The following ARHGAP31 variants were observed in gnomAD, a reference collection of about 807,000 sequenced individuals.
ARHGAP31 encodes rho GTPase-activating protein 31.
Under a neutral mutation model 113.9 loss-of-function variants are expected in ARHGAP31, and 34 were observed. The ratio of observed to expected loss-of-function variants is 0.30; its 90% CI spans 0.23 to 0.40. The LOEUF is 0.40. ARHGAP31 is among the 10% of genes least tolerant of loss of function. The pLI, the probability that ARHGAP31 is intolerant of heterozygous loss-of-function variation, is 1.00. For synonymous variants in ARHGAP31, 650 were observed against 684.8 expected, an observed-to-expected ratio of 0.95 and a Z score of 0.79; for missense variants, 1,548 against 1,767.1, an observed-to-expected ratio of 0.88 and a Z score of 2.22.
chr3:119,317,217 C>T (rs1355362734), intron 1 of ARHGAP31, among the ~76,000 whole-genome samples: 2 of 150,760 alleles, frequency 1.3e-5, no homozygotes, highest in African/African-American at 2.4e-5. Flanking sequence ...CTCGCTCTGT[C>T]GCCCAGGCTG....
Position 119,414,544 on chromosome 3 carries a change from C to G in ARHGAP31, c.2615C>G (p.Ser872Ter). ...PSPTREVEIVSQEEEDVTHSV... is the reference protein window; with the variant it reads ...PSPTREVEIV ...CCAACCAGGGAGGTTGAGATCGTCT[C>G]ACAAGAAGAGGAGGATGTAACCCAT... Residue 872 changes from serine (S) to a stop codon, truncating the protein, a stop_gained, in exon 12 of 12, where the codon TCA becomes TGA. Coordinates refer to ENST00000264245, the MANE Select transcript of ARHGAP31 (RefSeq NM_020754.4). LOFTEE classifies it high-confidence loss of function. 1 of 1,614,202 alleles carries G rather than the reference C, an allele frequency of 6.2e-7. No homozygotes were observed. The highest frequency in any genetic ancestry group is 8.5e-7 in the Non-Finnish European group (1 of 1,180,034).
chr3:119,354,906 C>G (rs2080142872), intron 1 of ARHGAP31, among the ~76,000 whole-genome samples: 2 of 151,200 alleles, frequency 1.3e-5, no homozygotes, highest in Non-Finnish European at 2.9e-5. Flanking sequence ...TCAAAAGGAA[C>G]TTAAAAATAG....
At chr3:119,372,215 A>C (rs534812963) in intron 3 of ARHGAP31, among the ~76,000 whole-genome samples, 1 of 149,446 alleles carries the variant, frequency 6.7e-6, no homozygotes, top group African/African-American at 2.5e-5. Flanking sequence ...ATTGATTTAC[A>C]CTCCCAACAG....
chr3:119,295,185 G>GC (rs1427487488), intron 1 of ARHGAP31, among the ~76,000 whole-genome samples, 181 bp downstream of exon 1: 1 of 150,904 alleles, frequency 6.6e-6, no homozygotes, highest in African/African-American at 2.4e-5. Context: ...GGTGCACAGC[G>GC]CTGCTGTCCC....
Position 119,414,295 on chromosome 3 carries a change from C to T in ARHGAP31, c.2366C>T (p.Thr789Ile). 1.2e-6 allele frequency: 2 copies of T among 1,614,238 alleles called. No individual in the cohort carries two copies. Among genetic ancestry groups the T allele is most frequent in the Middle Eastern group, 3.3e-4 (2 of 6,062 alleles). Reference protein sequence around the residue: ...PPLPPAPPPPTPLEESTPVLL... With the variant: ...PPLPPAPPPPIPLEESTPVLL... Reference sequence around the variant, plus strand: ...CTCCCACCTGCTCCTCCCCCTCCAACTCCTCTGGAGGAGTCAACTCCAGTC... The same window carrying T: ...CTCCCACCTGCTCCTCCCCCTCCAATTCCTCTGGAGGAGTCAACTCCAGTC... The change falls in exon 12 of 12, where the codon ACT becomes ATT. Residue 789 changes from threonine to isoleucine, a missense_variant. Coordinates refer to ENST00000264245, the MANE Select transcript of ARHGAP31 (RefSeq NM_020754.4).
Position 119,353,701 on chromosome 3 carries a change from T to C in ARHGAP31, c.101-11615T>C, listed in dbSNP as rs559195433. ...TGCTCCAGAGGCTGAGGCAGAGAAT[T>C]GCTTAAACCTGGAAGGACGGAGGTT... On this transcript the variant is annotated intron_variant, in intron 1 of 11. Coordinates refer to ENST00000264245, the MANE Select transcript of ARHGAP31 (RefSeq NM_020754.4). Among the ~76,000 whole-genome samples the C allele has an allele frequency of 2.8e-3, 429 of 150,658 alleles. 1 individual carries two copies. Among genetic ancestry groups the C allele is most frequent in the Non-Finnish European group, 4.9e-3 (330 of 67,850 alleles).
rs2080245761 is a variant in ARHGAP31, at chr3:119,365,473, T to C, written c.203+55T>C. On this transcript the variant is annotated intron_variant, in intron 2 of 11. Transcript: ENST00000264245. Reference sequence around the variant, plus strand: ...TCTCCCATGATTCCTCCTGTGTCCATGCCTCTGTCCATCGGTGTCCAGAGT... The same window carrying C: ...TCTCCCATGATTCCTCCTGTGTCCACGCCTCTGTCCATCGGTGTCCAGAGT... The C allele has an allele frequency of 4.1e-6, 6 of 1,474,930 alleles. No homozygotes were observed. The Admixed American group carries it at 1.0e-4, about 25-fold the overall frequency. 91.4% of individuals were successfully genotyped at this position (1,474,930 alleles called of 1,614,324 possible).
Position 119,401,852 on chromosome 3 carries a change from C to A in ARHGAP31, c.1100C>A (p.Thr367Lys). Residue 367 changes from threonine (T) to lysine (K), a missense_variant, in exon 10 of 12, where the codon ACA becomes AAA. Coordinates refer to ENST00000264245, the MANE Select transcript of ARHGAP31 (RefSeq NM_020754.4). ...GKETKGNFNR[T>K]VTTGGFFIPA... ...GAAACCAAGGGAAATTTCAATCGAA[C>A]AGTTACCACCGGTGGATTTTTCATT... 6.2e-7 allele frequency: 1 copy of A among 1,614,116 alleles called. No individual in the cohort carries two copies. The highest frequency in any genetic ancestry group is 8.5e-7 in the Non-Finnish European group (1 of 1,180,040).
chr3:119,303,010 ATCT>A (rs1365088483), intron 1 of ARHGAP31, among the ~76,000 whole-genome samples: 6 of 152,130 alleles, frequency 3.9e-5, no homozygotes, highest in Admixed American at 1.3e-4. Context: ...CTGCAGCCAC[ATCT>A]TCTTCACCTC....
chr3:119,306,910 A>G (rs1358580494), intron 1 of ARHGAP31, among the ~76,000 whole-genome samples: 1 of 152,098 alleles, frequency 6.6e-6, no homozygotes, highest in African/African-American at 2.4e-5. Flanking sequence ...CTGAAGATAC[A>G]TTTTTATCTT....
chr3:119,376,322 C>G (rs1399252398), intron 3 of ARHGAP31, among the ~76,000 whole-genome samples: 1 of 152,132 alleles, frequency 6.6e-6, no homozygotes, highest in Non-Finnish European at 1.5e-5. Context: ...AACCCCGTCT[C>G]TACTAAAAAT....
At chr3:119,394,357 C>A (rs1450278844) in intron 8 of ARHGAP31, among the ~76,000 whole-genome samples, 1 of 152,136 alleles carries the variant, frequency 6.6e-6, no homozygotes, top group Non-Finnish European at 1.5e-5. Context: ...TGTCCCTTCT[C>A]CCCCAGGGTC....
At chr3:119,335,744 C>T (rs1161571645) in intron 1 of ARHGAP31, among the ~76,000 whole-genome samples, 2 of 152,098 alleles carry the variant, frequency 1.3e-5, no homozygotes, top group African/African-American at 4.8e-5. Flanking sequence ...AGGAGTTGTT[C>T]TGGTTTTGGG....
At chr3:119,337,262 G>A (rs539189404) in intron 1 of ARHGAP31, among the ~76,000 whole-genome samples, 1 of 152,270 alleles carries the variant, frequency 6.6e-6, no homozygotes, top group East Asian at 1.9e-4. Context: ...GTGGGTTCAT[G>A]GTCTTACAGA....
At chr3:119,315,122 G>T (rs2079718233) in intron 1 of ARHGAP31, among the ~76,000 whole-genome samples, 1 of 152,180 alleles carries the variant, frequency 6.6e-6, no homozygotes, top group African/African-American at 2.4e-5. Context: ...AAAAACATAA[G>T]CAAGAGCTTT....
chr3:119,357,627 A>T lies in ARHGAP31; in HGVS notation c.101-7689A>T, dbSNP rs866473483. On this transcript the variant is annotated intron_variant, in intron 1 of 11. Transcript: ENST00000264245. ...AATTCGAAAGTGAAATAATAATAAA[A>T]CAATCGCTTTGAATCCTGTAGGGAA... 5.9e-5 allele frequency among the ~76,000 whole-genome samples: 9 copies of T among 152,358 alleles called. No homozygotes were observed. The East Asian group carries it at 7.7e-4, about 13-fold the overall frequency.
chr3:119,396,466 C>CTATT (rs1274657787), intron 8 of ARHGAP31, among the ~76,000 whole-genome samples: 4 of 152,324 alleles, frequency 2.6e-5, no homozygotes, highest in African/African-American at 9.6e-5. Flanking sequence ...GTGGCCTTAA[C>CTATT]TATTGCCTGA....
chr3:119,311,457 C>T (rs181488035), intron 1 of ARHGAP31, among the ~76,000 whole-genome samples: 156 of 152,318 alleles, frequency 1.0e-3, no homozygotes, highest in African/African-American at 3.7e-3. Flanking sequence ...CCAAAATAAT[C>T]TCCCCATCTC....
intron 1 of ARHGAP31, among the ~76,000 whole-genome samples, chr3:119,298,023 AG>A (rs2079548566): frequency 6.6e-6 from 1 of 152,064 alleles, no homozygotes; most frequent in Admixed American, 6.5e-5. Context: ...CTGGCTACAC[AG>A]GGGGGCCTGA....
Sources: allele counts gnomAD v4.1 joint callset (sites outside exome capture counted in the v4.1 genomes callset), GRCh38; gene constraint gnomAD v4.1.1; transcripts MANE v1.5; gene names NCBI Gene and HGNC (gene_info 2026-07-23, HGNC 2026-07-21).